The following SYNE2 variants were observed in gnomAD, a reference collection of about 807,000 sequenced individuals.
SYNE2 encodes nesprin-2.
In SYNE2, 431 loss-of-function variants were observed where a neutral mutation model predicts 856.3. The observed-to-expected ratio is 0.50, with a 90% CI of 0.47 to 0.55. SYNE2 has a LOEUF of 0.55. SYNE2 is among the 20% of genes least tolerant of loss of function. The pLI, the probability that SYNE2 is intolerant of heterozygous loss-of-function variation, is 0.00. For synonymous variants in SYNE2, 2,923 were observed against 2,872.3 expected (o/e 1.02, Z -0.56); for missense variants, 8,129 against 8,023.2 (o/e 1.01, Z -0.50).
Position 64,186,567 on chromosome 14 carries a change from C to T in SYNE2, c.17700C>T (p.Asp5900=), listed in dbSNP as rs1195301189. 1.2e-6 allele frequency: 2 copies of T among 1,614,142 alleles called. No homozygotes were observed. Among genetic ancestry groups the T allele is most frequent in the African/African-American group, 1.3e-5 (1 of 75,028 alleles). ...QIEHLHRQWE[D]LCLRVAIRKQ... ...AGCATTTGCACAGACAATGGGAGGACCTCTGCTTAAGGGTAAGTCAGCTCA... is the reference window on the plus strand; with the variant it reads ...AGCATTTGCACAGACAATGGGAGGATCTCTGCTTAAGGGTAAGTCAGCTCA... Residue 5900 remains aspartate (D), a synonymous_variant, in exon 97 of 116, where the codon GAC becomes GAT. Transcript: ENST00000555002.
intron 70 of SYNE2, among the ~76,000 whole-genome samples, chr14:64,124,689 G>A (rs1450456915): frequency 6.6e-6 from 1 of 152,128 alleles, no homozygotes; most frequent in Non-Finnish European, 1.5e-5. Flanking sequence ...AGCATGCTAA[G>A]GCATCTTTTT....
At chr14:64,136,322 T>C (rs57769907) in intron 78 of SYNE2, among the ~76,000 whole-genome samples, 92 of 117,156 alleles carry the variant, frequency 7.9e-4, no homozygotes, top group African/African-American at 2.9e-3. Context: ...AATTGGGGGG[T>C]GAATTAAGAC....
intron 17 of SYNE2, 104 bp downstream of exon 17, chr14:63,982,898 G>GTTAT (rs2096597332): frequency 8.7e-7 from 1 of 1,150,420 alleles, no homozygotes; most frequent in Middle Eastern, 2.6e-4. Flanking sequence ...TATATGCACA[G>GTTAT]TTACGTAGCC....
At chr14:64,147,051 C>G (rs531873694) in intron 84 of SYNE2, among the ~76,000 whole-genome samples, 9 of 152,328 alleles carry the variant, frequency 5.9e-5, no homozygotes, top group East Asian at 3.9e-4. Context: ...CTGACAGCCA[C>G]CTTGGAGTCA....
chr14:64,180,879 A>G (rs759335841), intron 96 of SYNE2, among the ~76,000 whole-genome samples: 1 of 152,166 alleles, frequency 6.6e-6, no homozygotes, highest in Non-Finnish European at 1.5e-5. Context: ...ATATTTTTGA[A>G]GCTATTGAAA....
intron 59 of SYNE2, among the ~76,000 whole-genome samples, chr14:64,089,935 G>A (rs1289758901): frequency 6.6e-6 from 1 of 152,168 alleles, no homozygotes; most frequent in African/African-American, 2.4e-5. Context: ...AAGGGCTTGA[G>A]CACCTAATTC....
chr14:64,070,748 A>G lies in SYNE2; in HGVS notation c.10535A>G (p.Asp3512Gly). 6.2e-7 allele frequency: 1 copy of G among 1,614,202 alleles called. No individual in the cohort carries two copies. The highest frequency in any genetic ancestry group is 8.5e-7 in the Non-Finnish European group (1 of 1,180,034). ...ACAGAGGAACTCTCTGAGCTGCTAGACTGTTTATGCCAATATGGAGAGAAC... is the reference window on the plus strand; with the variant it reads ...ACAGAGGAACTCTCTGAGCTGCTAGGCTGTTTATGCCAATATGGAGAGAAC... ...ATTEELSELLDCLCQYGENVE... is the reference protein window; with the variant it reads ...ATTEELSELLGCLCQYGENVE... Residue 3512 changes from aspartate (D) to glycine (G), a missense_variant, in exon 52 of 116, where the codon GAC becomes GGC. This residue lies in a region of SYNE2 where 5,410 missense variants were observed against 5,284.8 expected (regional missense o/e 1.02). Coordinates refer to ENST00000555002, the MANE Select transcript of SYNE2 (RefSeq NM_182914.3).
chr14:64,141,413 C>T lies in SYNE2; in HGVS notation c.15049C>T (p.His5017Tyr), dbSNP rs753366920. The T allele has an allele frequency of 2.5e-6, 4 of 1,614,060 alleles. No homozygotes were observed. The highest frequency in any genetic ancestry group is 3.4e-6 in the Non-Finnish European group (4 of 1,179,952). ...AVISIGNQLL[H>Y]LKETDTATLR... ...TATCAGTATCGGGAACCAGCTTCTT[C>T]ACCTGAAAGAAACTGATACAGCTAC... Residue 5017 changes from histidine to tyrosine, a missense_variant, in exon 81 of 116, where the codon CAC becomes TAC. This residue lies in a region of SYNE2 where 5,410 missense variants were observed against 5,284.8 expected (regional missense o/e 1.02). Transcript: ENST00000555002.
intron 49 of SYNE2, among the ~76,000 whole-genome samples, chr14:64,056,586 C>T (rs2097271481): frequency 6.6e-6 from 1 of 151,572 alleles, no homozygotes; most frequent in African/African-American, 2.4e-5. Context: ...AAAAGGACAT[C>T]GAGTTCTCTT....
intron 2 of SYNE2, among the ~76,000 whole-genome samples, chr14:63,917,030 A>C (rs145788897): frequency 6.6e-6 from 1 of 152,260 alleles, no homozygotes; most frequent in Non-Finnish European, 1.5e-5. Context: ...TTGAGCCTGC[A>C]GTAAGCTATG....
intron 61 of SYNE2, among the ~76,000 whole-genome samples, chr14:64,097,667 A>C (rs1317212974): frequency 6.6e-6 from 1 of 152,212 alleles, no homozygotes; most frequent in Non-Finnish European, 1.5e-5. Context: ...TCACGTGTGG[A>C]GCATGTTACA....
chr14:63,930,573 G>A (rs2095738901), intron 2 of SYNE2, among the ~76,000 whole-genome samples: 1 of 144,198 alleles, frequency 6.9e-6, no homozygotes, highest in African/African-American at 2.6e-5. Context: ...CTGCTCTCCT[G>A]CCCAGGCTGG....
At position 64,003,101 on chromosome 14, in the gene SYNE2, G is replaced by T. The variant is rs748204670; in HGVS notation, c.4168G>T (p.Asp1390Tyr). The T allele has an allele frequency of 1.9e-6, 3 of 1,614,064 alleles. No individual in the cohort carries two copies. Among genetic ancestry groups the T allele is most frequent in the Non-Finnish European group, 2.5e-6 (3 of 1,180,032 alleles). The change falls in exon 30 of 116, where the codon GAT (aspartate) becomes TAT (tyrosine). Residue 1390 changes from aspartate (D) to tyrosine (Y), a missense_variant. Physicochemically the swap from Asp to Tyr is radical, Grantham distance 160. This residue lies in a region of SYNE2 where 2,422 missense variants were observed against 2,357.4 expected (regional missense o/e 1.03). Coordinates refer to ENST00000555002, the MANE Select transcript of SYNE2 (RefSeq NM_182914.3). ...CLKMLDMSFK[D>Y]AERGDDTSCE... is the part of the protein sequence containing the mutation. Reference sequence around the variant, plus strand: ...GAAGATGCTCGATATGAGCTTTAAAGATGCTGAACGGGGTGATGACACCTC... The same window carrying T: ...GAAGATGCTCGATATGAGCTTTAAATATGCTGAACGGGGTGATGACACCTC...
intron 2 of SYNE2, among the ~76,000 whole-genome samples, chr14:63,920,262 C>T (rs1008941474): frequency 7.9e-5 from 12 of 151,502 alleles, no homozygotes; most frequent in African/African-American, 1.5e-4. Context: ...CTTGGTACTA[C>T]GGAAGTATGG....
intron 2 of SYNE2, among the ~76,000 whole-genome samples, chr14:63,923,864 T>G (rs2095629289): frequency 6.6e-6 from 1 of 152,042 alleles, no homozygotes; most frequent in African/African-American, 2.4e-5. Flanking sequence ...AGTGGTGCCA[T>G]TTCAGCTCAC....
At chr14:63,933,976 CG>C (rs1838618865) in intron 2 of SYNE2, among the ~76,000 whole-genome samples, 1 of 152,074 alleles carries the variant, frequency 6.6e-6, no homozygotes, top group Admixed American at 6.6e-5. Flanking sequence ...AGTATGAAAA[CG>C]TGAGAAAAGT....
At chr14:63,861,248 G>A (rs1471458542) in intron 1 of SYNE2, among the ~76,000 whole-genome samples, 2 of 150,510 alleles carry the variant, frequency 1.3e-5, no homozygotes, top group Non-Finnish European at 2.9e-5. Context: ...GGGTTCAAGC[G>A]ATTATCCTAC....
At position 64,212,067 on chromosome 14, in the gene SYNE2, G is replaced by C. The variant is rs1258775047; in HGVS notation, c.18830G>C (p.Ser6277Thr). 1 of 1,614,078 alleles carries C rather than the reference G, an allele frequency of 6.2e-7. No individual in the cohort carries two copies. Among genetic ancestry groups the C allele is most frequent in the Admixed American group, 1.7e-5 (1 of 60,002 alleles). Residue 6277 changes from serine (S) to threonine (T), a missense_variant, in exon 104 of 116, where the codon AGT (serine) becomes ACT (threonine). This residue lies in a region of SYNE2 where 5,410 missense variants were observed against 5,284.8 expected (regional missense o/e 1.02). Coordinates refer to ENST00000555002, the MANE Select transcript of SYNE2 (RefSeq NM_182914.3). Reference protein sequence around the residue: ...QLTNVEHFSESDADDKMRQLN... With the variant: ...QLTNVEHFSETDADDKMRQLN... ...ACCAACGTGGAGCACTTCTCAGAGA[G>C]TGACGCCGATGACAAGATGCGCCAA... is the stretch of plus-strand genomic sequence containing the variant.
At chr14:63,795,470 GAGTTAATACTTAAT>G (rs1020544968) in intron 1 of SYNE2, among the ~76,000 whole-genome samples, 7 of 151,994 alleles carry the variant, frequency 4.6e-5, no homozygotes, top group Non-Finnish European at 7.4e-5. Flanking sequence ...GTGGTCGTGT[GAGTTAATACTTAAT>G]AGTTAATACT....
Sources: allele counts gnomAD v4.1 joint callset (sites outside exome capture counted in the v4.1 genomes callset), GRCh38; gene constraint gnomAD v4.1.1; regional missense constraint gnomAD v4.1.1; transcripts MANE v1.5; gene names NCBI Gene and HGNC (gene_info 2026-07-23, HGNC 2026-07-21).